Variants in MARCHF1 observed in about 807,000 individuals in gnomAD.
The protein encoded by MARCHF1 is E3 ubiquitin-protein ligase MARCHF1.
In MARCHF1, 40 loss-of-function variants were observed where a neutral mutation model predicts 54.2. That is an observed-to-expected ratio of 0.74 (90% CI 0.57 to 0.96). The LOEUF is 0.96. Among genes scored for constraint, MARCHF1 ranks in the 40% least tolerant of loss-of-function variants. The pLI is 0.00. For synonymous variants in MARCHF1, 236 were observed against 236.3 expected, an observed-to-expected ratio of 1.00 and a Z score of 0.01; for missense variants, 586 against 656.5, an observed-to-expected ratio of 0.89 and a Z score of 1.17.
At chr4:163,620,567 CCACACACACA>C (rs138692310) in intron 5 of MARCHF1, among the ~76,000 whole-genome samples, 16 of 120,138 alleles carry the variant, frequency 1.3e-4, no homozygotes, top group Admixed American at 3.5e-4. Flanking sequence ...ATGAGGTACA[CCACACACACA>C]CACACACACA....
intron 3 of MARCHF1, among the ~76,000 whole-genome samples, chr4:163,984,966 T>C (rs146449332): frequency 8.9e-4 from 135 of 152,284 alleles, no homozygotes; most frequent in Admixed American, 2.4e-3. Context: ...AGAATGTGGT[T>C]TTCCCAAGGT....
At chr4:164,356,604 G>A (rs1369160717) in intron 1 of MARCHF1, among the ~76,000 whole-genome samples, 2 of 141,508 alleles carry the variant, frequency 1.4e-5, no homozygotes, top group African/African-American at 2.6e-5. Flanking sequence ...CACACTCTGG[G>A]GACTGTGGTG....
chr4:164,041,785 C>CTGA (rs1241365572), intron 2 of MARCHF1, among the ~76,000 whole-genome samples: 4 of 152,132 alleles, frequency 2.6e-5, no homozygotes, highest in Non-Finnish European at 5.9e-5. Context: ...CCTTATGATT[C>CTGA]TGATGTAGGG....
At chr4:164,177,775 T>C (rs193067832) in intron 1 of MARCHF1, among the ~76,000 whole-genome samples, 6 of 151,032 alleles carry the variant, frequency 4.0e-5, no homozygotes, top group African/African-American at 7.3e-5. Context: ...CTCATCTCTC[T>C]CTCTCTCAAT....
intron 2 of MARCHF1, among the ~76,000 whole-genome samples, chr4:164,070,471 T>TG (rs1431829323): frequency 6.6e-6 from 1 of 152,134 alleles, no homozygotes; most frequent in East Asian, 1.9e-4. Flanking sequence ...ACTGGCTACT[T>TG]GGGGATGTGG....
At chr4:163,886,136 G>A (rs983164257) in intron 3 of MARCHF1, among the ~76,000 whole-genome samples, 10 of 148,432 alleles carry the variant, frequency 6.7e-5, no homozygotes, top group Admixed American at 4.7e-4. Context: ...TAGAGAGATA[G>A]ATCTATAAAT....
chr4:164,102,277 C>T (rs1354317998), intron 2 of MARCHF1, among the ~76,000 whole-genome samples: 1 of 69,266 alleles, frequency 1.4e-5, no homozygotes, highest in East Asian at 2.7e-4. Flanking sequence ...CACAAAGATA[C>T]TCCTCGAGAA....
chr4:164,034,770 T>C (rs1753958239), intron 2 of MARCHF1, among the ~76,000 whole-genome samples: 1 of 152,212 alleles, frequency 6.6e-6, no homozygotes, highest in African/African-American at 2.4e-5. Flanking sequence ...ATATGTTTTC[T>C]TAATTTTACT....
intron 3 of MARCHF1, among the ~76,000 whole-genome samples, chr4:163,897,567 A>G (rs1750838989): frequency 6.6e-6 from 1 of 152,210 alleles, no homozygotes; most frequent in Non-Finnish European, 1.5e-5. Flanking sequence ...ATAAAGCCAC[A>G]TACCTACAAC....
At chr4:163,673,994 C>G (rs1743819818) in intron 5 of MARCHF1, among the ~76,000 whole-genome samples, 2 of 152,140 alleles carry the variant, frequency 1.3e-5, no homozygotes, top group Non-Finnish European at 2.9e-5. Flanking sequence ...TTGGTCCACC[C>G]TGGGCAACTC....
At chr4:164,264,129 T>C (rs1240194670) in intron 1 of MARCHF1, among the ~76,000 whole-genome samples, 1 of 152,218 alleles carries the variant, frequency 6.6e-6, no homozygotes, top group African/African-American at 2.4e-5. Context: ...AAAGAAAATG[T>C]GGTACATATA....
At chr4:164,335,476 G>T (rs1004245420) in intron 1 of MARCHF1, among the ~76,000 whole-genome samples, 3 of 151,992 alleles carry the variant, frequency 2.0e-5, no homozygotes, top group Admixed American at 1.3e-4. Flanking sequence ...CAGCTACTCA[G>T]GAGGCTGAGG....
intron 1 of MARCHF1, among the ~76,000 whole-genome samples, chr4:164,275,421 T>A (rs1429144057): frequency 2.0e-5 from 3 of 152,154 alleles, no homozygotes; most frequent in Non-Finnish European, 4.4e-5. Context: ...CTGCACTTAT[T>A]TTTTATTCTA....
At chr4:163,669,857 C>A (rs1249011776) in intron 5 of MARCHF1, among the ~76,000 whole-genome samples, 2 of 152,082 alleles carry the variant, frequency 1.3e-5, no homozygotes, top group Non-Finnish European at 2.9e-5. Context: ...CTCGGCCTCC[C>A]AAAGTGCTGA....
intron 4 of MARCHF1, among the ~76,000 whole-genome samples, chr4:163,716,350 T>G (rs1363874175): frequency 6.6e-6 from 1 of 152,194 alleles, no homozygotes; most frequent in Non-Finnish European, 1.5e-5. Flanking sequence ...ACCTTGCAAA[T>G]TGCCTCCTGA....
At chr4:163,724,297 G>A (rs1423310236) in intron 4 of MARCHF1, among the ~76,000 whole-genome samples, 2 of 152,158 alleles carry the variant, frequency 1.3e-5, no homozygotes, top group African/African-American at 2.4e-5. Context: ...TGTTTGCCTG[G>A]GTATAAGCAG....
chr4:163,937,376 T>C (rs1447994352), intron 3 of MARCHF1, among the ~76,000 whole-genome samples: 1 of 152,052 alleles, frequency 6.6e-6, no homozygotes, highest in Admixed American at 6.6e-5. Context: ...TTTCACTTCT[T>C]TATTTTATTA....
chr4:163,652,499 C>T (rs1342686940), intron 5 of MARCHF1, among the ~76,000 whole-genome samples: 1 of 151,778 alleles, frequency 6.6e-6, no homozygotes, highest in African/African-American at 2.4e-5. Flanking sequence ...GTCTCTCCTC[C>T]AGCTCTCGGC....
At chr4:163,628,295 C>T (rs13116532) in intron 5 of MARCHF1, among the ~76,000 whole-genome samples, 49,305 of 151,958 alleles carry the variant, frequency 0.32, 8,939 homozygotes, top group Non-Finnish European at 0.42. Context: ...ACAGAACCAA[C>T]GACAAAAACC....
Sources: gnomAD v4.1 joint callset for allele counts (sites outside exome capture counted in the v4.1 genomes callset) on GRCh38, gnomAD v4.1.1 for gene constraint, MANE v1.5 for transcripts, NCBI Gene and HGNC (gene_info 2026-07-23, HGNC 2026-07-21) for gene names.